Variants in RFX3 observed in about 807,000 individuals in gnomAD.
RFX3 encodes the protein transcription factor RFX3.
A neutral mutation model predicts 98.6 loss-of-function variants in RFX3; 14 were observed. That is an observed-to-expected ratio of 0.14 (90% CI 0.09 to 0.22). The LOEUF (loss-of-function observed/expected upper bound fraction) is 0.22. RFX3 is among the 10% of genes least tolerant of loss of function. The probability of loss-of-function intolerance (pLI) is 1.00; values close to 1 mark genes in which losing one functional copy is unlikely to be tolerated. For synonymous variants in RFX3, 383 were observed against 328.4 expected (o/e 1.17, Z -1.80); for missense variants, 639 against 926.9 (o/e 0.69, Z 4.03).
intron 1 of RFX3, among the ~76,000 whole-genome samples, chr9:3,494,635 T>C (rs1587855459): frequency 6.6e-6 from 1 of 152,166 alleles, no homozygotes; most frequent in East Asian, 1.9e-4. Context: ...ATAATAAACA[T>C]TCATTAATTT....
chr9:3,506,661 T>C (rs1045810667), intron 1 of RFX3, among the ~76,000 whole-genome samples: 1 of 151,850 alleles, frequency 6.6e-6, no homozygotes, highest in African/African-American at 2.4e-5. Context: ...TCTGGAATTA[T>C]ATCTATATAT....
chr9:3,276,903 C>G (rs540632906), intron 8 of RFX3, among the ~76,000 whole-genome samples: 1 of 151,872 alleles, frequency 6.6e-6, no homozygotes, highest in Non-Finnish European at 1.5e-5. Context: ...ATAGAAAGTA[C>G]TGTGATTAAT....
At chr9:3,348,204 T>G (rs1476129445) in intron 2 of RFX3, among the ~76,000 whole-genome samples, 2 of 152,214 alleles carry the variant, frequency 1.3e-5, no homozygotes, top group East Asian at 3.8e-4. Context: ...TCCTGAAATG[T>G]CATTTAATAA....
At chr9:3,243,268 G>A (rs899431780) in intron 15 of RFX3, among the ~76,000 whole-genome samples, 6 of 146,692 alleles carry the variant, frequency 4.1e-5, no homozygotes, top group Non-Finnish European at 7.5e-5. Flanking sequence ...ATATTTAAAT[G>A]AAAATTTAAA....
intron 2 of RFX3, among the ~76,000 whole-genome samples, chr9:3,386,651 T>C (rs969504706): frequency 3.4e-4 from 51 of 151,988 alleles, no homozygotes; most frequent in African/African-American, 1.1e-3. Flanking sequence ...AAAGAGATAA[T>C]AGTCAATAGT....
intron 15 of RFX3, chr9:3,247,538 A>G: frequency 1.0e-6 from 1 of 998,212 alleles, no homozygotes; most frequent in Non-Finnish European, 1.3e-6. Flanking sequence ...TGTAAAAAAC[A>G]TAGAACTGTG....
At chr9:3,463,773 C>G (rs1847936281) in intron 1 of RFX3, among the ~76,000 whole-genome samples, 1 of 151,866 alleles carries the variant, frequency 6.6e-6, no homozygotes, top group East Asian at 1.9e-4. Context: ...GAGTTCAAGA[C>G]CAGCCTGGGC....
At chr9:3,346,857 T>G in intron 2 of RFX3, 93 bp from the exon 3 acceptor site, 2 of 760,334 alleles carry the variant, frequency 2.6e-6, no homozygotes, top group Non-Finnish European at 4.6e-6. Flanking sequence ...TCCGGTATTA[T>G]TGATAAATTT....
At chr9:3,260,650 A>G (rs958385382) in intron 13 of RFX3, among the ~76,000 whole-genome samples, 36 of 151,730 alleles carry the variant, frequency 2.4e-4, no homozygotes, top group African/African-American at 8.7e-4. Context: ...TGAAATAAAT[A>G]TTACAGTATA....
chr9:3,311,341 G>A (rs1220946361), intron 4 of RFX3, among the ~76,000 whole-genome samples: 2 of 152,138 alleles, frequency 1.3e-5, no homozygotes, highest in African/African-American at 2.4e-5. Context: ...TCTACTTGGA[G>A]ACTTATGTTT....
intron 1 of RFX3, among the ~76,000 whole-genome samples, chr9:3,466,459 C>T (rs888286044): frequency 3.3e-5 from 5 of 151,966 alleles, no homozygotes; most frequent in African/African-American, 2.4e-5. Context: ...CTAGGTTGTA[C>T]GGGCTGAATT....
intron 4 of RFX3, among the ~76,000 whole-genome samples, chr9:3,304,758 A>C (rs1829081925): frequency 6.6e-6 from 1 of 152,046 alleles, no homozygotes; most frequent in Non-Finnish European, 1.5e-5. Context: ...GACACATGGA[A>C]CTGTGAGTCC....
chr9:3,346,874 G>C (rs998504154), intron 2 of RFX3, 110 bp from the exon 3 acceptor site: 37 of 703,310 alleles, frequency 5.3e-5, no homozygotes, highest in Admixed American at 4.6e-5. Context: ...ATTTGAGAAA[G>C]ACTGATAAGA....
intron 5 of RFX3, among the ~76,000 whole-genome samples, chr9:3,299,296 A>G (rs902300646): frequency 5.3e-5 from 8 of 151,806 alleles, no homozygotes; most frequent in African/African-American, 1.7e-4. Flanking sequence ...TGTTTTTGAT[A>G]AATCTCAGAA....
At chr9:3,342,390 A>G (rs1833984795) in intron 3 of RFX3, among the ~76,000 whole-genome samples, 3 of 152,328 alleles carry the variant, frequency 2.0e-5, no homozygotes, top group South Asian at 2.1e-4. Flanking sequence ...ATGAGAAGTT[A>G]TGTACTGGAG....
At chr9:3,436,424 G>A (rs1420406515) in intron 1 of RFX3, among the ~76,000 whole-genome samples, 2 of 152,034 alleles carry the variant, frequency 1.3e-5, no homozygotes, top group Non-Finnish European at 2.9e-5. Context: ...TTAATAACTA[G>A]AGTCTAGCAA....
intron 3 of RFX3, among the ~76,000 whole-genome samples, chr9:3,338,979 C>T (rs1465775926): frequency 6.6e-6 from 1 of 152,022 alleles, no homozygotes; most frequent in East Asian, 1.9e-4. Context: ...GTCCCAGCTA[C>T]TCAGGAGGCT....
intron 1 of RFX3, among the ~76,000 whole-genome samples, chr9:3,473,441 T>C (rs551379423): frequency 6.6e-6 from 1 of 152,144 alleles, no homozygotes; most frequent in Non-Finnish European, 1.5e-5. Flanking sequence ...CTAACAAAAG[T>C]CTAAAACATG....
intron 1 of RFX3, among the ~76,000 whole-genome samples, chr9:3,403,149 A>G (rs1841636974): frequency 6.6e-6 from 1 of 152,106 alleles, no homozygotes; most frequent in African/African-American, 2.4e-5. Flanking sequence ...ACGAATATAA[A>G]ACACTTGGCT....
Sources: allele counts gnomAD v4.1 joint callset (sites outside exome capture counted in the v4.1 genomes callset), GRCh38; gene constraint gnomAD v4.1.1; transcripts MANE v1.5; gene names NCBI Gene and HGNC (gene_info 2026-07-23, HGNC 2026-07-21).